SLC9B1: variants seen among roughly 807,000 people sequenced by gnomAD.
SLC9B1 encodes the protein sodium/hydrogen exchanger 9B1.
A neutral mutation model predicts 51.7 loss-of-function variants in SLC9B1; 32 were observed. That is an observed-to-expected ratio of 0.62 (90% CI 0.47 to 0.83). The LOEUF (loss-of-function observed/expected upper bound fraction) is 0.83. Among genes scored for constraint, SLC9B1 ranks in the 40% least tolerant of loss-of-function variants. SLC9B1 has a pLI of 0.00. For missense variants in SLC9B1, 406 were observed against 613.2 expected, an observed-to-expected ratio of 0.66 and a Z score of 3.57; for synonymous variants, 145 against 212.7, an observed-to-expected ratio of 0.68 and a Z score of 2.77.
At chr4:102,885,063 C>T (rs545863501) in exon 12 of SLC9B1, 2 of 677,088 alleles carry the variant, frequency 3.0e-6, no homozygotes, top group South Asian at 1.6e-5. Context: ...GTAGAGCTGG[C>T]TTTATTGTGT....
At chr4:102,976,115 G>A (rs1739057151) in intron 3 of SLC9B1, among the ~76,000 whole-genome samples, 1 of 152,188 alleles carries the variant, frequency 6.6e-6, no homozygotes, top group Non-Finnish European at 1.5e-5. Flanking sequence ...GTTTCAATAA[G>A]AGAGTGATCA....
chr4:102,921,846 A>G (rs573572654), intron 7 of SLC9B1, among the ~76,000 whole-genome samples: 1 of 152,248 alleles, frequency 6.6e-6, no homozygotes, highest in African/African-American at 2.4e-5. Context: ...GGATCAATTC[A>G]ACAAGAAGAG....
chr4:102,924,455 T>C (rs1255961424), intron 7 of SLC9B1, among the ~76,000 whole-genome samples: 1 of 152,158 alleles, frequency 6.6e-6, no homozygotes, highest in Non-Finnish European at 1.5e-5. Flanking sequence ...ATAAAAACCC[T>C]AGAAGAATAC....
At chr4:102,993,090 C>T (rs999142101) in intron 1 of SLC9B1, among the ~76,000 whole-genome samples, 6 of 151,878 alleles carry the variant, frequency 4.0e-5, no homozygotes, top group African/African-American at 1.2e-4. Context: ...CATTCTGCCC[C>T]GGCCCCTCCC....
At chr4:102,954,013 A>G (rs1225416815) in intron 3 of SLC9B1, among the ~76,000 whole-genome samples, 1 of 40,810 alleles carries the variant, frequency 2.5e-5, no homozygotes, top group African/African-American at 1.9e-4. Context: ...ACTATGTTGA[A>G]TAGGAGCGGT....
At chr4:102,983,266 T>C (rs1739450457) in intron 3 of SLC9B1, among the ~76,000 whole-genome samples, 1 of 152,180 alleles carries the variant, frequency 6.6e-6, no homozygotes, top group Non-Finnish European at 1.5e-5. Context: ...TGGTGTATCC[T>C]TTTTATATGC....
At chr4:102,984,476 G>T (rs1739515603) in intron 3 of SLC9B1, among the ~76,000 whole-genome samples, 1 of 152,096 alleles carries the variant, frequency 6.6e-6, no homozygotes, top group Non-Finnish European at 1.5e-5. Flanking sequence ...CTAGAAGTGT[G>T]TTGTTTAATC....
intron 2 of SLC9B1, 140 bp from the exon 3 acceptor site, chr4:102,990,081 C>T (rs1004957049): frequency 1.6e-4 from 107 of 680,072 alleles, no homozygotes; most frequent in African/African-American, 4.7e-4. Flanking sequence ...AAGATTCATG[C>T]TCCATATCAG....
At chr4:102,930,009 C>T (rs1736373665) in intron 7 of SLC9B1, among the ~76,000 whole-genome samples, 1 of 152,208 alleles carries the variant, frequency 6.6e-6, no homozygotes, top group African/African-American at 2.4e-5. Flanking sequence ...CAAAGGTTTT[C>T]ATTCTCAATT....
downstream of SLC9B1, among the ~76,000 whole-genome samples, chr4:102,900,773 T>G (rs1203018070): frequency 1.3e-5 from 2 of 152,286 alleles, no homozygotes; most frequent in Non-Finnish European, 2.9e-5. Flanking sequence ...AGTTCAATAT[T>G]CAAAGTTTTT....
At chr4:102,908,261 CAATA>C (rs1245419251) in intron 9 of SLC9B1, among the ~76,000 whole-genome samples, 1 of 152,258 alleles carries the variant, frequency 6.6e-6, no homozygotes, top group African/African-American at 2.4e-5. Context: ...ATGAATTGGT[CAATA>C]AATAAACAAT....
At chr4:102,955,485 T>G (rs1237817803) in intron 3 of SLC9B1, among the ~76,000 whole-genome samples, 3 of 152,104 alleles carry the variant, frequency 2.0e-5, no homozygotes, top group African/African-American at 7.2e-5. Context: ...AAGCTGGATG[T>G]AAAACCCAGC....
chr4:102,984,988 C>T (rs1044564655), intron 3 of SLC9B1, among the ~76,000 whole-genome samples: 4 of 152,050 alleles, frequency 2.6e-5, no homozygotes, highest in South Asian at 2.1e-4. Context: ...GCTTGACTCA[C>T]GTATTTTAAT....
chr4:103,001,689 C>T (rs1349466046), intron 1 of SLC9B1, among the ~76,000 whole-genome samples: 3 of 152,232 alleles, frequency 2.0e-5, no homozygotes, highest in African/African-American at 7.2e-5. Flanking sequence ...CAAACTTTCT[C>T]ACATACTCCT....
intron 7 of SLC9B1, among the ~76,000 whole-genome samples, chr4:102,919,630 G>C (rs1382745479): frequency 6.6e-6 from 1 of 152,196 alleles, no homozygotes; most frequent in Non-Finnish European, 1.5e-5. Flanking sequence ...AAGCACAAGG[G>C]GTTGGGGGAT....
intron 6 of SLC9B1, among the ~76,000 whole-genome samples, chr4:102,942,594 C>T (rs577581697): frequency 4.0e-4 from 61 of 152,208 alleles, no homozygotes; most frequent in African/African-American, 1.1e-3. Flanking sequence ...CCCTATTCAA[C>T]AAATGGTGCT....
chr4:102,994,869 C>T (rs1051220321), intron 1 of SLC9B1, among the ~76,000 whole-genome samples: 1 of 152,124 alleles, frequency 6.6e-6, no homozygotes, highest in African/African-American at 2.4e-5. Flanking sequence ...GAAACCACCC[C>T]CATGATCCAG....
chr4:102,977,158 G>GA (rs1409813134), intron 3 of SLC9B1, among the ~76,000 whole-genome samples: 26 of 146,514 alleles, frequency 1.8e-4, no homozygotes, highest in African/African-American at 4.0e-4. Context: ...TCCAAAAAAA[G>GA]AAAAAAAAAG....
chr4:103,007,633 C>T lies in SLC9B1; in HGVS notation c.-2+11966G>A, dbSNP rs76212092. ...TTTTTTCTGGAGAGATGGGTTCTCA[C>T]TCTGTCTGTCACCCAGGCTGGAGTG... On this transcript the variant is annotated intron_variant, in intron 1 of 11. Transcript: ENST00000296422. Among the ~76,000 whole-genome samples, 834 of 129,856 alleles carry T rather than the reference C, an allele frequency of 6.4e-3. 10 individuals are homozygous for T. The highest frequency in any genetic ancestry group is 0.024 in the African/African-American group (804 of 33,786). The allele number at this position is 129,856 out of a possible 152,430, so 85.2% of individuals were successfully genotyped here.
Sources: allele counts gnomAD v4.1 joint callset (sites outside exome capture counted in the v4.1 genomes callset), GRCh38; gene constraint gnomAD v4.1.1; transcripts MANE v1.5; gene names NCBI Gene and HGNC (gene_info 2026-07-23, HGNC 2026-07-21).